ILRUN: variants seen among roughly 807,000 people sequenced by gnomAD.
The protein encoded by ILRUN is inflammation and lipid regulator with UBA-like and NBR1-like domains.
A neutral mutation model predicts 33.8 loss-of-function variants in ILRUN; 3 were observed. The ratio of observed to expected loss-of-function variants is 0.09; its 90% CI spans 0.04 to 0.23. ILRUN has a LOEUF of 0.23. ILRUN is among the 10% of genes least tolerant of loss of function. The pLI is 1.00. For synonymous variants in ILRUN, 124 were observed against 138.9 expected (o/e 0.89, Z 0.75); for missense variants, 210 against 375.1 (o/e 0.56, Z 3.64).
intron 3 of ILRUN, among the ~76,000 whole-genome samples, chr6:34,621,346 G>A (rs984602014): frequency 1.3e-5 from 2 of 152,128 alleles, no homozygotes; most frequent in African/African-American, 4.8e-5. Flanking sequence ...AAAAGTAGAA[G>A]GAATCGCTAC....
intron 1 of ILRUN, among the ~76,000 whole-genome samples, chr6:34,687,321 A>G (rs1455748558): frequency 1.3e-5 from 2 of 152,212 alleles, no homozygotes; most frequent in Non-Finnish European, 2.9e-5. Context: ...ATATGTTCGT[A>G]TAATTAGTAA....
intron 3 of ILRUN, among the ~76,000 whole-genome samples, chr6:34,611,536 C>A (rs1316520351): frequency 6.6e-6 from 1 of 152,110 alleles, no homozygotes; most frequent in Non-Finnish European, 1.5e-5. Flanking sequence ...GCGTTCACCC[C>A]CTGCCTACTG....
At chr6:34,615,593 C>T (rs895995226) in intron 3 of ILRUN, among the ~76,000 whole-genome samples, 21 of 152,122 alleles carry the variant, frequency 1.4e-4, no homozygotes, top group African/African-American at 5.1e-4. Flanking sequence ...GAGACTCCAT[C>T]TTAAACAAAA....
At chr6:34,688,994 A>G (rs1039350547) in intron 1 of ILRUN, among the ~76,000 whole-genome samples, 3 of 151,560 alleles carry the variant, frequency 2.0e-5, no homozygotes, top group South Asian at 2.1e-4. Context: ...GAATAGGTAC[A>G]TACATAGAGA....
intron 4 of ILRUN, among the ~76,000 whole-genome samples, chr6:34,591,155 C>A (rs1016203717): frequency 6.6e-6 from 1 of 152,160 alleles, no homozygotes; most frequent in African/African-American, 2.4e-5. Context: ...ACACCTATTT[C>A]ACTGACACCC....
chr6:34,692,294 G>A (rs1437288237), intron 1 of ILRUN, among the ~76,000 whole-genome samples: 8 of 152,120 alleles, frequency 5.3e-5, no homozygotes, highest in Non-Finnish European at 1.2e-4. Context: ...CAGGGTCTTC[G>A]CTTTTCAATA....
intron 1 of ILRUN, among the ~76,000 whole-genome samples, chr6:34,669,961 G>T (rs1407412955): frequency 6.6e-6 from 1 of 151,960 alleles, no homozygotes; most frequent in African/African-American, 2.4e-5. Flanking sequence ...GCCCAGGCTG[G>T]AATGTAATGG....
At chr6:34,666,010 C>T (rs190930425) in intron 1 of ILRUN, among the ~76,000 whole-genome samples, 35 of 151,206 alleles carry the variant, frequency 2.3e-4, no homozygotes, top group African/African-American at 8.5e-4. Flanking sequence ...AAAAATGCAC[C>T]CTAGGATATA....
chr6:34,627,511 C>A (rs1029629411), intron 3 of ILRUN, among the ~76,000 whole-genome samples: 1 of 152,208 alleles, frequency 6.6e-6, no homozygotes, highest in Non-Finnish European at 1.5e-5. Context: ...TGTTGCTCCA[C>A]ATTCCTACCA....
chr6:34,593,039 C>T (rs1486754924), intron 4 of ILRUN, among the ~76,000 whole-genome samples: 2 of 151,950 alleles, frequency 1.3e-5, no homozygotes, highest in African/African-American at 4.8e-5. Context: ...ATTAGTTGGA[C>T]ATGGCGACGC....
chr6:34,683,515 CAT>C (rs1554189889), intron 1 of ILRUN, among the ~76,000 whole-genome samples: 6 of 76,312 alleles, frequency 7.9e-5, no homozygotes, highest in Non-Finnish European at 1.2e-4. Context: ...TATATATATA[CAT>C]ATATATATAT....
At chr6:34,627,438 T>C (rs1331448795) in intron 3 of ILRUN, among the ~76,000 whole-genome samples, 1 of 152,214 alleles carries the variant, frequency 6.6e-6, no homozygotes, top group East Asian at 1.9e-4. Flanking sequence ...CAGCTGCTGA[T>C]GGGAGGGTAA....
intron 1 of ILRUN, among the ~76,000 whole-genome samples, chr6:34,673,163 GC>G (rs1763151394): frequency 6.6e-6 from 1 of 152,220 alleles, no homozygotes; most frequent in Non-Finnish European, 1.5e-5. Flanking sequence ...ATTTCAGAAT[GC>G]AAAAGTTTCA....
chr6:34,658,397 T>C (rs1762818778), intron 1 of ILRUN, among the ~76,000 whole-genome samples: 1 of 151,094 alleles, frequency 6.6e-6, no homozygotes, highest in Non-Finnish European at 1.5e-5. Context: ...ACTGCCAATA[T>C]AGTTAATGCC....
intron 3 of ILRUN, among the ~76,000 whole-genome samples, chr6:34,632,926 T>C (rs966544406): frequency 2.6e-5 from 4 of 152,188 alleles, no homozygotes; most frequent in African/African-American, 9.6e-5. Flanking sequence ...TATAATAAAG[T>C]GGTAAAACTA....
chr6:34,616,140 T>G (rs1761887593), intron 3 of ILRUN, among the ~76,000 whole-genome samples: 1 of 152,226 alleles, frequency 6.6e-6, no homozygotes, highest in African/African-American at 2.4e-5. Context: ...AACTCTTGGA[T>G]GCTTCTGATC....
chr6:34,610,541 C>T (rs2127325993), intron 3 of ILRUN, among the ~76,000 whole-genome samples: 1 of 152,280 alleles, frequency 6.6e-6, no homozygotes, highest in East Asian at 1.9e-4. Flanking sequence ...TTTTGACCAC[C>T]AATCTGACAC....
At chr6:34,689,917 G>C (rs1763611933) in intron 1 of ILRUN, among the ~76,000 whole-genome samples, 1 of 151,956 alleles carries the variant, frequency 6.6e-6, no homozygotes, top group African/African-American at 2.4e-5. Flanking sequence ...ACTGCTCCCT[G>C]AAGATACCTG....
intron 1 of ILRUN, among the ~76,000 whole-genome samples, chr6:34,695,223 AAGAG>A (rs976980864): frequency 6.6e-6 from 1 of 152,200 alleles, no homozygotes; most frequent in African/African-American, 2.4e-5. Flanking sequence ...TAAGGAATAA[AAGAG>A]AGGTTGGTTG....
Sources: allele counts gnomAD v4.1 joint callset (sites outside exome capture counted in the v4.1 genomes callset), GRCh38; gene constraint gnomAD v4.1.1; transcripts MANE v1.5; gene names NCBI Gene and HGNC (gene_info 2026-07-23, HGNC 2026-07-21).